SLC12A2: variants seen among roughly 807,000 people sequenced by gnomAD.
SLC12A2 encodes the protein solute carrier family 12 member 2, also known as Na-K-2Cl cotransporter 1.
In SLC12A2, 67 loss-of-function variants were observed where a neutral mutation model predicts 136.3. The observed-to-expected ratio is 0.49, with a 90% confidence interval of 0.40 to 0.60. The LOEUF (loss-of-function observed/expected upper bound fraction) is 0.60, where lower values mean the gene tolerates loss of function less well. Ranked by LOEUF, SLC12A2 falls within the 20% of genes least tolerant of loss-of-function variation. The pLI is 0.00. For synonymous variants in SLC12A2, 619 were observed against 562.9 expected, an observed-to-expected ratio of 1.10 and a Z score of -1.41; for missense variants, 1,322 against 1,534.7, an observed-to-expected ratio of 0.86 and a Z score of 2.32.
intron 10 of SLC12A2, among the ~76,000 whole-genome samples, chr5:128,143,825 A>G (rs1309475099): frequency 6.6e-6 from 1 of 151,040 alleles, no homozygotes; most frequent in African/African-American, 2.4e-5. Context: ...TATGTGTTTT[A>G]TGTACAATCT....
At chr5:128,109,690 C>A in intron 1 of SLC12A2, 1 of 1,145,262 alleles carries the variant, frequency 8.7e-7, no homozygotes, top group Non-Finnish European at 1.3e-6. Flanking sequence ...GCGAAAAAGT[C>A]TTCCAGGTGA....
intron 4 of SLC12A2, among the ~76,000 whole-genome samples, chr5:128,118,644 T>C (rs1761441538): frequency 6.6e-6 from 1 of 152,126 alleles, no homozygotes; most frequent in Non-Finnish European, 1.5e-5. Flanking sequence ...GCTTGGGTGA[T>C]GAATGCACCA....
chr5:128,127,045 G>C (rs4836363), intron 4 of SLC12A2, among the ~76,000 whole-genome samples: 37,084 of 113,176 alleles, frequency 0.33, 7,772 homozygotes, highest in African/African-American at 0.62. Flanking sequence ...AGATATTATC[G>C]TTTCTGTCGA....
At chr5:128,110,966 G>A (rs926986816) in intron 1 of SLC12A2, 1 of 812,378 alleles carries the variant, frequency 1.2e-6, no homozygotes. Context: ...CCTTGCACTT[G>A]CCATAGGAAA....
intron 17 of SLC12A2, among the ~76,000 whole-genome samples, chr5:128,165,348 G>T (rs1011767316): frequency 6.6e-6 from 1 of 152,008 alleles, no homozygotes; most frequent in Non-Finnish European, 1.5e-5. Flanking sequence ...AACTAAATAC[G>T]TTTTTTTGGT....
chr5:128,095,460 A>G (rs1382668013), intron 1 of SLC12A2, among the ~76,000 whole-genome samples: 1 of 152,110 alleles, frequency 6.6e-6, no homozygotes, highest in East Asian at 1.9e-4. Flanking sequence ...AGTGATTCCA[A>G]AATTTCTAAA....
intron 5 of SLC12A2, among the ~76,000 whole-genome samples, chr5:128,133,726 A>T (rs1470929462): frequency 1.3e-5 from 2 of 152,102 alleles, no homozygotes; most frequent in African/African-American, 2.4e-5. Flanking sequence ...GAGTGGAAAC[A>T]GTGTGTTTTT....
chr5:128,102,584 C>G (rs1386521892), intron 1 of SLC12A2, among the ~76,000 whole-genome samples: 2 of 4,122 alleles, frequency 4.9e-4, no homozygotes, highest in Non-Finnish European at 8.1e-4. Context: ...TGTAATTCAC[C>G]CCCCCCCCCG....
At position 128,174,628 on chromosome 5, in the gene SLC12A2, C is replaced by T. The variant is rs765677584; in HGVS notation, c.2891C>T (p.Thr964Ile). Residue 964 changes from threonine (T) to isoleucine (I), a missense_variant, in exon 20 of 27, where the codon ACT (threonine) becomes ATT (isoleucine). Transcript: ENST00000262461. ...TATAGTAAAAAGTCCGATTTAGATACTTCCAAACCACTCAGTGAAAAACCA... is the reference window on the plus strand; with the variant it reads ...TATAGTAAAAAGTCCGATTTAGATATTTCCAAACCACTCAGTGAAAAACCA... Reference protein sequence around the residue: ...VEYSKKSDLDTSKPLSEKPIT... With the variant: ...VEYSKKSDLDISKPLSEKPIT... 1.9e-6 allele frequency: 3 copies of T among 1,606,158 alleles called. 1 individual carries two copies. The South Asian group carries it at 3.4e-5, about 18-fold the overall frequency.
chr5:128,177,132 C>T lies in SLC12A2; in HGVS notation c.2957C>T (p.Thr986Ile). 6.3e-7 allele frequency: 1 copy of T among 1,591,624 alleles called. No homozygotes were observed. Among genetic ancestry groups the T allele is most frequent in the Non-Finnish European group, 8.5e-7 (1 of 1,172,208 alleles). Residue 986 changes from threonine to isoleucine, a missense_variant, in exon 21 of 27, where the codon ACT becomes ATT. Physicochemically the swap from Thr to Ile is moderately conservative, Grantham distance 89. Coordinates refer to ENST00000262461, the MANE Select transcript of SLC12A2 (RefSeq NM_001046.3). ...GAGGAAGAGGATGGCAAGACTGCAA[C>T]TCAACCACTGTTGAAAAAAGGCAGG... ...KVEEEDGKTA[T>I]QPLLKKESKG...
At chr5:128,110,033 TG>T in intron 1 of SLC12A2, 1 of 1,066,104 alleles carries the variant, frequency 9.4e-7, no homozygotes, top group African/African-American at 1.5e-5. Context: ...CAAAAAGACT[TG>T]GACAGAGGCA....
Position 128,178,624 on chromosome 5 carries a change from G to A in SLC12A2, c.3035G>A (p.Ser1012Asn), listed in dbSNP as rs115472345. 1.3e-4 allele frequency: 211 copies of A among 1,601,288 alleles called. No individual in the cohort carries two copies. The East Asian group carries it at 4.6e-3, about 35-fold the overall frequency. ...GCTGACCAAAAGCTTCTTGAAGCTA[G>A]TACACAGTTTCAGAAAAAACAAGGA... ...NVADQKLLEA[S>N]TQFQKKQGKN... Residue 1012 changes from serine to asparagine, a missense_variant, in exon 22 of 27, where the codon AGT (serine) becomes AAT (asparagine). Around this residue, in one of 8 missense-constraint regions of SLC12A2, gnomAD observed 226 missense variants for 210.4 expected, o/e 1.07. Coordinates refer to ENST00000262461, the MANE Select transcript of SLC12A2 (RefSeq NM_001046.3).
intron 4 of SLC12A2, 118 bp downstream of exon 4, chr5:128,114,799 A>T (rs560609412): frequency 1.6e-6 from 1 of 643,344 alleles, no homozygotes; most frequent in South Asian, 2.1e-5. Flanking sequence ...CTATATAGAC[A>T]AGAAAGTTGC....
In SLC12A2 at chr5:128,126,941, CAT is replaced by C. The variant is rs1243756791; in HGVS notation, c.1049-4101_1049-4100del. ...TCCCTTATTCTATTATCACAACCTA[CAT>C]ATATATATATATATATATATATATT... On this transcript the variant is annotated intron_variant, in intron 4 of 26. Coordinates refer to ENST00000262461, the MANE Select transcript of SLC12A2 (RefSeq NM_001046.3). 7.8e-3 allele frequency among the ~76,000 whole-genome samples: 321 copies of C among 40,976 alleles called. 15 individuals are homozygous for C. Among genetic ancestry groups the C allele is most frequent in the South Asian group, 0.013 (13 of 1,006 alleles). The allele number at this position is 40,976 out of a possible 152,430, so 26.9% of individuals were successfully genotyped here. A position where few individuals can be genotyped will look rare whatever the true frequency, so the allele number is the denominator to read the frequency against.
At chr5:128,154,754 G>T (rs951932142) in intron 15 of SLC12A2, among the ~76,000 whole-genome samples, 5 of 152,110 alleles carry the variant, frequency 3.3e-5, no homozygotes, top group African/African-American at 1.2e-4. Flanking sequence ...CGAAGTTAGT[G>T]CCTTTTCCAT....
chr5:128,086,955 G>A (rs530379650), intron 1 of SLC12A2, among the ~76,000 whole-genome samples: 1 of 152,294 alleles, frequency 6.6e-6, no homozygotes, highest in African/African-American at 2.4e-5. Flanking sequence ...GCAGTCGATT[G>A]ATTGGCATAT....
intron 17 of SLC12A2, among the ~76,000 whole-genome samples, chr5:128,166,482 T>G (rs544284788): frequency 3.6e-4 from 52 of 145,280 alleles, no homozygotes; most frequent in Admixed American, 2.2e-3. Flanking sequence ...GTGTGTGTGT[T>G]TGTGTGTGTG....
chr5:128,164,086 A>G (rs998024030), intron 17 of SLC12A2, among the ~76,000 whole-genome samples: 1 of 152,218 alleles, frequency 6.6e-6, no homozygotes, highest in African/African-American at 2.4e-5. Flanking sequence ...TCCTTAGAGC[A>G]GTGGTCATTA....
At chr5:128,142,128 A>G (rs1241498017) in intron 10 of SLC12A2, 147 bp downstream of exon 10, 6 of 691,558 alleles carry the variant, frequency 8.7e-6, no homozygotes, top group Non-Finnish European at 1.4e-5. Context: ...CTTGAGATAG[A>G]GTCTCACTCT....
Sources: gnomAD v4.1 joint callset for allele counts (sites outside exome capture counted in the v4.1 genomes callset) on GRCh38, gnomAD v4.1.1 for gene constraint, gnomAD v4.1.1 regional missense constraint, MANE v1.5 for transcripts, NCBI Gene and HGNC (gene_info 2026-07-23, HGNC 2026-07-21) for gene names.